ALDH5A1: variants seen among roughly 807,000 people sequenced by gnomAD.
The protein encoded by ALDH5A1 is succinate-semialdehyde dehydrogenase, mitochondrial.
A neutral mutation model predicts 54.7 loss-of-function variants in ALDH5A1; 33 were observed. That is an observed-to-expected ratio of 0.60 (90% CI 0.46 to 0.81). ALDH5A1 has a LOEUF of 0.81. Ranked by LOEUF, ALDH5A1 falls within the 30% of genes least tolerant of loss-of-function variation. The pLI is 0.00. For missense variants in ALDH5A1, 657 were observed against 711.0 expected, an observed-to-expected ratio of 0.92 and a Z score of 0.86; for synonymous variants, 294 against 292.7, an observed-to-expected ratio of 1.00 and a Z score of -0.05.
intron 8 of ALDH5A1, among the ~76,000 whole-genome samples, chr6:24,531,475 G>C (rs957480787): frequency 6.6e-6 from 1 of 152,218 alleles, no homozygotes; most frequent in Non-Finnish European, 1.5e-5. Context: ...CCTGCAGAGA[G>C]ACAGCTGGTT....
intron 1 of ALDH5A1, 76 bp downstream of exon 1, chr6:24,495,426 T>G (rs1764679492): frequency 2.8e-6 from 4 of 1,411,550 alleles, no homozygotes; most frequent in Non-Finnish European, 3.8e-6. Flanking sequence ...TACCCCAAAG[T>G]GACACCAGCC....
chr6:24,524,110 C>T (rs538786969), intron 7 of ALDH5A1, among the ~76,000 whole-genome samples: 4 of 151,756 alleles, frequency 2.6e-5, no homozygotes, highest in Non-Finnish European at 5.9e-5. Context: ...CTCAGCCTCC[C>T]GAGTAGCTGG....
At position 24,533,646 on chromosome 6, in the gene ALDH5A1, A is replaced by G. The variant is rs1759982113; in HGVS notation, c.1542A>G (p.Arg514=). Residue 514 remains arginine (R), a synonymous_variant, in exon 10 of 10, where the codon CGA becomes CGG. Transcript: ENST00000357578. ...FGGVKQSGLG[R]EGSKYGIDEY... Reference sequence around the variant, plus strand: ...GAGTGAAGCAGTCCGGCCTTGGGCGAGAGGGGTCCAAGTATGGCATTGATG... The same window carrying G: ...GAGTGAAGCAGTCCGGCCTTGGGCGGGAGGGGTCCAAGTATGGCATTGATG... The G allele has an allele frequency of 6.2e-7, 1 of 1,614,104 alleles. No homozygotes were observed. Among genetic ancestry groups the G allele is most frequent in the Non-Finnish European group, 8.5e-7 (1 of 1,180,016 alleles).
At chr6:24,511,804 A>G (rs371020509) in intron 4 of ALDH5A1, 553 of 483,448 alleles carry the variant, frequency 1.1e-3, no homozygotes, top group Non-Finnish European at 1.7e-3. Flanking sequence ...TTAGCTTAAT[A>G]AATAACTATC....
intron 7 of ALDH5A1, among the ~76,000 whole-genome samples, chr6:24,526,542 C>A (rs763478791): frequency 2.0e-5 from 3 of 151,762 alleles, no homozygotes; most frequent in Non-Finnish European, 4.4e-5. Flanking sequence ...TCACAAGATT[C>A]GGTACCTGAA....
In ALDH5A1 at chr6:24,536,807, G is replaced by A. The variant is rs1223439069; in HGVS notation, c.*3095G>A. 6.6e-6 allele frequency: 1 copy of A among 152,590 alleles called. No individual in the cohort carries two copies. The highest frequency in any genetic ancestry group is 1.5e-5 in the Non-Finnish European group (1 of 68,038). The allele number at this position is 152,590 out of a possible 1,614,324, so 9.5% of individuals were successfully genotyped here. On this transcript the variant is annotated 3_prime_UTR_variant, in exon 10 of 10. Transcript: ENST00000357578. ...TAGTAGCTTTTAAATATGATTTTAT[G>A]TGAAGTGCCATTTCTTTATTCTACT... is the stretch of plus-strand genomic sequence containing the variant.
rs1351636866 is a variant in ALDH5A1 at position 24,535,109 on chromosome 6, C to T, written c.*1397C>T. 1 of 152,262 alleles carries T rather than the reference C, an allele frequency of 6.6e-6. No homozygotes were observed. Among genetic ancestry groups the T allele is most frequent in the Non-Finnish European group, 1.5e-5 (1 of 68,046 alleles). The allele number at this position is 152,262 out of a possible 1,614,324, so 9.4% of individuals were successfully genotyped here. ...ACGAAGCACCTTCCTTTCCCCATCT[C>T]TGTCTGTGTAGACTCCACTTACATC... On this transcript the variant is annotated 3_prime_UTR_variant, in exon 10 of 10. Transcript: ENST00000357578.
At chr6:24,501,670 C>T (rs1282804224) in intron 1 of ALDH5A1, among the ~76,000 whole-genome samples, 1 of 152,068 alleles carries the variant, frequency 6.6e-6, no homozygotes, top group African/African-American at 2.4e-5. Context: ...ATGATCACAC[C>T]ACTGCACTTC....
At chr6:24,502,388 T>A (rs1759212620) in intron 1 of ALDH5A1, 135 bp from the exon 2 acceptor site, 2 of 757,146 alleles carry the variant, frequency 2.6e-6, no homozygotes, top group African/African-American at 1.7e-5. Context: ...CAGTCAAATT[T>A]ACACATAAAA....
At chr6:24,530,236 CCCA>C (rs1221924216) in intron 8 of ALDH5A1, among the ~76,000 whole-genome samples, 1 of 152,118 alleles carries the variant, frequency 6.6e-6, no homozygotes, top group Non-Finnish European at 1.5e-5. Flanking sequence ...TTCCATCCCA[CCCA>C]CCAAGATCTT....
intron 6 of ALDH5A1, 50 bp downstream of exon 6, chr6:24,520,594 AGT>A: frequency 6.2e-7 from 1 of 1,604,602 alleles, no homozygotes; most frequent in Non-Finnish European, 8.5e-7. Flanking sequence ...TGCATGTGTG[AGT>A]GTGTGTATGT....
At chr6:24,504,821 G>A in intron 3 of ALDH5A1, 48 bp from the exon 4 acceptor site, 7 of 1,546,542 alleles carry the variant, frequency 4.5e-6, no homozygotes, top group Non-Finnish European at 6.3e-6. Context: ...TTTGCACTAA[G>A]GAGGTGGTCC....
At chr6:24,503,199 G>A in intron 2 of ALDH5A1, 64 bp from the exon 3 acceptor site, 1 of 1,574,930 alleles carries the variant, frequency 6.3e-7, no homozygotes, top group Non-Finnish European at 8.6e-7. Context: ...AAGAATTTAG[G>A]AACACAGAGC....
intron 5 of ALDH5A1, among the ~76,000 whole-genome samples, chr6:24,517,733 T>C (rs1759600755): frequency 6.6e-6 from 1 of 152,202 alleles, no homozygotes; most frequent in South Asian, 2.1e-4. Flanking sequence ...GAACAGGAAA[T>C]GTGACAAGTA....
In ALDH5A1 at chr6:24,522,803, G is replaced by T. The variant is rs772638789; in HGVS notation, c.1051G>T (p.Gly351Cys). Residue 351 changes from glycine to cysteine, a missense_variant, in exon 7 of 10, where the codon GGC (glycine) becomes TGC (cysteine). This residue lies in a region of ALDH5A1 where 425 missense variants were observed against 516.4 expected (regional missense o/e 0.82). Coordinates refer to ENST00000357578, the MANE Select transcript of ALDH5A1 (RefSeq NM_001080.3). ...CTCAAACCAATTCTTGGTGCAAAGG[G>T]GCATCCATGATGCCTTTGTAAAAGC... The part of the protein sequence containing the change: ...VCSNQFLVQR[G>C]IHDAFVKAFA... 5.6e-6 allele frequency: 9 copies of T among 1,614,072 alleles called. No homozygotes were observed. The Admixed American group carries it at 8.3e-5, about 15-fold the overall frequency.
At chr6:24,502,373 T>A (rs998151247) in intron 1 of ALDH5A1, 150 bp from the exon 2 acceptor site, 29 of 703,466 alleles carry the variant, frequency 4.1e-5, no homozygotes, top group Non-Finnish European at 6.8e-5. Flanking sequence ...GCTATCTGGG[T>A]CTCCCAGTCA....
intron 1 of ALDH5A1, among the ~76,000 whole-genome samples, chr6:24,497,708 A>G (rs903934661): frequency 6.6e-6 from 1 of 152,192 alleles, no homozygotes; most frequent in African/African-American, 2.4e-5. Flanking sequence ...GGACTGAGCA[A>G]AGGGGAAGAG....
intron 4 of ALDH5A1, among the ~76,000 whole-genome samples, chr6:24,506,790 G>A (rs1759367749): frequency 6.6e-6 from 1 of 151,950 alleles, no homozygotes; most frequent in African/African-American, 2.4e-5. Flanking sequence ...GCATAGATGG[G>A]CTATTTCCCA....
chr6:24,498,856 T>C (rs373497758), intron 1 of ALDH5A1, among the ~76,000 whole-genome samples: 236 of 152,218 alleles, frequency 1.6e-3, no homozygotes, highest in African/African-American at 5.3e-3. Flanking sequence ...CCCAGCACTT[T>C]GGGAGGCTAA....
Sources: allele counts gnomAD v4.1 joint callset (sites outside exome capture counted in the v4.1 genomes callset), GRCh38; gene constraint gnomAD v4.1.1; regional missense constraint gnomAD v4.1.1; transcripts MANE v1.5; gene names NCBI Gene and HGNC (gene_info 2026-07-23, HGNC 2026-07-21).